The following TNKS1BP1 variants were observed in gnomAD, a reference collection of about 807,000 sequenced individuals.
TNKS1BP1 encodes CCR4-NOT transcription complex subunit 12.
TNKS1BP1 carries 48 observed loss-of-function variants against 141.1 expected under a neutral mutation model. The ratio of observed to expected loss-of-function variants is 0.34; its 90% CI spans 0.27 to 0.43. The LOEUF is 0.43. Ranked by LOEUF, TNKS1BP1 falls within the 20% of genes least tolerant of loss-of-function variation. TNKS1BP1 has a pLI of 1.00. For missense variants in TNKS1BP1, 2,149 were observed against 2,226.0 expected (o/e 0.97, Z 0.70); for synonymous variants, 875 against 898.2 (o/e 0.97, Z 0.46).
intron 3 of TNKS1BP1, among the ~76,000 whole-genome samples, chr11:57,319,061 C>T (rs934017643): frequency 6.0e-5 from 9 of 149,622 alleles, no homozygotes; most frequent in East Asian, 2.0e-4. Context: ...AGGAGAATGG[C>T]GTGAACCCAG....
chr11:57,313,440 T>A lies in TNKS1BP1; in HGVS notation c.1248A>T (p.Ala416=). ...SGGEEEAKGD[A]HLRPTSLVQR... ...GAACCAGGCTGGTGGGGCGGAGGTG[T>A]GCGTCACCCTTGGCCTCCTCCTCCC... The change falls in exon 5 of 12, where the codon GCA becomes GCT. Residue 416 remains alanine, a synonymous_variant. Transcript: ENST00000358252. The A allele has an allele frequency of 6.2e-7, 1 of 1,606,248 alleles. No individual in the cohort carries two copies. Among genetic ancestry groups the A allele is most frequent in the South Asian group, 1.1e-5 (1 of 90,266 alleles).
At position 57,309,832 on chromosome 11, in the gene TNKS1BP1, TC is replaced by T; in HGVS notation, c.2878del (p.Asp960ThrfsTer23). 1 of 1,614,164 alleles carries T rather than the reference TC, an allele frequency of 6.2e-7. No individual in the cohort carries two copies. Among genetic ancestry groups the T allele is most frequent in the Non-Finnish European group, 8.5e-7 (1 of 1,180,014 alleles). On this transcript the variant is annotated frameshift_variant, in exon 6 of 12. Transcript: ENST00000358252. LOFTEE classifies it high-confidence loss of function. The surrounding 1 kb of genome is among the most constrained non-coding windows in gnomAD (Gnocchi z 4.3). The stretch of plus-strand genomic sequence containing the variant: ...CCTGGAGCTGCCACCACTGCTGTAG[TC>T]CCTTATCCAAGCGCTCTTCCCAAAC... ...QEFGKSAWIR[D>X]YSSGGSSRTL...
In TNKS1BP1 at chr11:57,313,430, G is replaced by A; in HGVS notation, c.1258C>T (p.Pro420Ser). ...AATCGGCGCTGAACCAGGCTGGTGG[G>A]GCGGAGGTGTGCGTCACCCTTGGCC... Reference protein sequence around the residue: ...EEAKGDAHLRPTSLVQRRFSE... With the variant: ...EEAKGDAHLRSTSLVQRRFSE... Residue 420 changes from proline (P) to serine (S), a missense_variant, in exon 5 of 12, where the codon CCC becomes TCC. Pro to Ser is a moderately conservative substitution (Grantham distance 74). Transcript: ENST00000358252. 2 of 1,609,438 alleles carry A rather than the reference G, an allele frequency of 1.2e-6. No individual in the cohort carries two copies. The highest frequency in any genetic ancestry group is 1.7e-6 in the Non-Finnish European group (2 of 1,177,474).
intron 1 of TNKS1BP1, chr11:57,322,432 C>T: frequency 2.0e-6 from 1 of 501,810 alleles, no homozygotes; most frequent in Non-Finnish European, 2.6e-6. Flanking sequence ...CTCTCTCCCT[C>T]CCTCCCGCAG....
rs1325049061 is a variant in TNKS1BP1 at position 57,302,656 on chromosome 11, C to T, written c.4486G>A (p.Val1496Met). The change falls in exon 7 of 12, where the codon GTG becomes ATG. Residue 1496 changes from valine to methionine, a missense_variant. Transcript: ENST00000358252. The surrounding 1 kb of genome is among the most constrained non-coding windows in gnomAD (Gnocchi z 5.5). ...GGAGAGTCCCTGCCAGGCTCCAGCACCTCCTCTTGGGCAGCACCTGCCCCG... is the reference window on the plus strand; with the variant it reads ...GGAGAGTCCCTGCCAGGCTCCAGCATCTCCTCTTGGGCAGCACCTGCCCCG... ...GAGAGAAQEEVLEPGRDSPPS... is the reference protein window; with the variant it reads ...GAGAGAAQEEMLEPGRDSPPS... The T allele has an allele frequency of 1.2e-6, 2 of 1,609,842 alleles. No individual in the cohort carries two copies. The highest frequency in any genetic ancestry group is 1.3e-5 in the African/African-American group (1 of 74,886).
Position 57,317,840 on chromosome 11 carries a change from G to C in TNKS1BP1, c.776C>G (p.Ala259Gly), listed in dbSNP as rs1478741127. ...CACATCAGCAGGTAGCTCCGAGCTG[G>C]CTGCCTTAGCCAGGTCCCCGTTGAA... Reference protein sequence around the residue: ...LAFNGDLAKAASSELPADISK... With the variant: ...LAFNGDLAKAGSSELPADISK... Residue 259 changes from alanine to glycine, a missense_variant, in exon 4 of 12, where the codon GCC becomes GGC. By Grantham distance (60) the Ala-to-Gly change is moderately conservative. Coordinates refer to ENST00000358252, the MANE Select transcript of TNKS1BP1 (RefSeq NM_033396.3). 1 of 1,613,938 alleles carries C rather than the reference G, an allele frequency of 6.2e-7. No individual in the cohort carries two copies.
chr11:57,309,792 C>T lies in TNKS1BP1; in HGVS notation c.2919G>A (p.Gln973=), dbSNP rs1347371745. The T allele has an allele frequency of 6.2e-7, 1 of 1,614,192 alleles. No individual in the cohort carries two copies. The highest frequency in any genetic ancestry group is 8.5e-7 in the Non-Finnish European group (1 of 1,180,028). The part of the protein sequence containing the change: ...SGGSSRTLDA[Q]DRSFGTRPLS... ...GGGGTCTCGTTCCAAAGCTTCTGTC[C>T]TGGGCGTCAAGGGTCCTGGAGCTGC... Residue 973 remains glutamine, a synonymous_variant, in exon 6 of 12, where the codon CAG becomes CAA. Coordinates refer to ENST00000358252, the MANE Select transcript of TNKS1BP1 (RefSeq NM_033396.3). The surrounding 1 kb of genome is among the most constrained non-coding windows in gnomAD (Gnocchi z 4.3).
chr11:57,305,439 A>C (rs1159240310), intron 6 of TNKS1BP1, among the ~76,000 whole-genome samples: 2 of 152,162 alleles, frequency 1.3e-5, no homozygotes, highest in East Asian at 3.9e-4. Context: ...CACCTGGTCT[A>C]AACTTTAGAG....
At chr11:57,322,733 G>A (rs866485968) in intron 1 of TNKS1BP1, among the ~76,000 whole-genome samples, 4 of 152,292 alleles carry the variant, frequency 2.6e-5, no homozygotes, top group Middle Eastern at 6.8e-3. Context: ...GGGAGAACGG[G>A]ACAGGGCTTG....
chr11:57,302,011 G>A lies in TNKS1BP1; in HGVS notation c.4834+63C>T. 1 of 1,604,508 alleles carries A rather than the reference G, an allele frequency of 6.2e-7. No individual in the cohort carries two copies. The highest frequency in any genetic ancestry group is 8.5e-7 in the Non-Finnish European group (1 of 1,172,514). ...CAGACTCCCCGAACCCATAACCCCT[G>A]CAAAAGCTTGGCCTAATGCCCTAGA... On this transcript the variant is annotated intron_variant, in intron 8 of 11. Coordinates refer to ENST00000358252, the MANE Select transcript of TNKS1BP1 (RefSeq NM_033396.3). The surrounding 1 kb of genome is among the most constrained non-coding windows in gnomAD (Gnocchi z 5.5).
chr11:57,302,237 A>T lies in TNKS1BP1; in HGVS notation c.4684-13T>A, dbSNP rs1218753034. On this transcript the variant is annotated splice_polypyrimidine_tract_variant and intron_variant, in intron 7 of 11. Coordinates refer to ENST00000358252, the MANE Select transcript of TNKS1BP1 (RefSeq NM_033396.3). The surrounding 1 kb of genome is among the most constrained non-coding windows in gnomAD (Gnocchi z 5.5). The stretch of plus-strand genomic sequence containing the variant: ...GGATCTCGGTGTCCTGCTTGGGGCA[A>T]TGGTGACACCACTGCCATTGCTGCC... The T allele has an allele frequency of 1.9e-6, 3 of 1,604,930 alleles. No individual in the cohort carries two copies. The highest frequency in any genetic ancestry group is 2.6e-6 in the Non-Finnish European group (3 of 1,175,252).
At chr11:57,310,819 T>C (rs952269592) in intron 5 of TNKS1BP1, among the ~76,000 whole-genome samples, 7 of 152,216 alleles carry the variant, frequency 4.6e-5, no homozygotes, top group African/African-American at 1.7e-4. Flanking sequence ...GTGCTTGGCA[T>C]GCAGTGGGCA....
chr11:57,306,061 G>A (rs1294037443), intron 6 of TNKS1BP1, among the ~76,000 whole-genome samples: 2 of 152,012 alleles, frequency 1.3e-5, no homozygotes, highest in African/African-American at 4.8e-5. Context: ...ATCACCTGAG[G>A]TCTGTCTGGA....
At chr11:57,320,020 C>CCCCCCCCAGACCCACACGCAGCCCCAA in intron 3 of TNKS1BP1, 59 bp downstream of exon 3, 1 of 1,213,902 alleles carries the variant, frequency 8.2e-7, no homozygotes. Context: ...AGCCCCCACC[C>CCCCCCCCAGACCCACACGCAGCCCCAA]AATCCCACCC....
At chr11:57,300,307 TCTC>T (rs58942781) in intron 11 of TNKS1BP1, among the ~76,000 whole-genome samples, 3,921 of 152,126 alleles carry the variant, frequency 0.026, 152 homozygotes, top group African/African-American at 0.089. Context: ...TGGTAGCCCT[TCTC>T]CTCTTCCACA....
At position 57,320,368 on chromosome 11, in the gene TNKS1BP1, C is replaced by T. The variant is rs745462562; in HGVS notation, c.439G>A (p.Ala147Thr). The T allele has an allele frequency of 1.9e-6, 3 of 1,614,106 alleles. No homozygotes were observed. The highest frequency in any genetic ancestry group is 2.2e-5 in the South Asian group (2 of 91,068). ...AAPGGVRKAP[A>T]PFRPASERFA... is the part of the protein sequence containing the mutation. Reference sequence around the variant, plus strand: ...CGCTCTGAGGCTGGGCGGAAAGGGGCAGGGGCCTTCCGTACACCCCCTGGG... The same window carrying T: ...CGCTCTGAGGCTGGGCGGAAAGGGGTAGGGGCCTTCCGTACACCCCCTGGG... The change falls in exon 3 of 12, where the codon GCC becomes ACC. Residue 147 changes from alanine to threonine, a missense_variant. By Grantham distance (58) the Ala-to-Thr change is moderately conservative (BLOSUM62 0). Transcript: ENST00000358252.
At chr11:57,314,014 A>T in intron 4 of TNKS1BP1, 125 bp from the exon 5 acceptor site, 1 of 1,130,040 alleles carries the variant, frequency 8.8e-7, no homozygotes, top group Non-Finnish European at 1.2e-6. Context: ...CTGGAACCCG[A>T]GGGGGTCCTC....
At position 57,313,306 on chromosome 11, in the gene TNKS1BP1, T is replaced by C. The variant is rs775750366; in HGVS notation, c.1382A>G (p.Asp461Gly). ...GTTGGACTCTGCCCCAAAGGGACGA[T>C]CCAGGGCCAACTGGCTCCCCTGGCC... ...PQGQGSQLAL[D>G]RPFGAESNWS... The change falls in exon 5 of 12, where the codon GAT (aspartate) becomes GGT (glycine). Residue 461 changes from aspartate to glycine, a missense_variant. Asp to Gly is a moderately conservative substitution (Grantham distance 94, BLOSUM62 -1). Transcript: ENST00000358252. The C allele has an allele frequency of 8.1e-6, 13 of 1,612,966 alleles. No homozygotes were observed. In the South Asian group the frequency reaches 1.3e-4, roughly 16 times the overall value.
rs1048029693 is a variant in TNKS1BP1 at position 57,299,914 on chromosome 11, G to A, written c.*180C>T. 6.5e-6 allele frequency: 1 copy of A among 154,808 alleles called. No homozygotes were observed. Among genetic ancestry groups the A allele is most frequent in the East Asian group, 1.9e-4 (1 of 5,192 alleles). The allele number at this position is 154,808 out of a possible 1,614,324, so 9.6% of individuals were successfully genotyped here. On this transcript the variant is annotated 3_prime_UTR_variant, in exon 12 of 12. Coordinates refer to ENST00000358252, the MANE Select transcript of TNKS1BP1 (RefSeq NM_033396.3). ...GAAATCCAGGGAAGGGAAGGTGTGG[G>A]GGGAGTTCGGAGGGTGATACAAAGT...
Sources: gnomAD v4.1 joint callset for allele counts (sites outside exome capture counted in the v4.1 genomes callset) on GRCh38, gnomAD v4.1.1 for gene constraint, Gnocchi (gnomAD v3.1) non-coding constraint, MANE v1.5 for transcripts, NCBI Gene and HGNC (gene_info 2026-07-23, HGNC 2026-07-21) for gene names.